The following MYO10 variants were observed in gnomAD, a reference collection of about 807,000 sequenced individuals.
The protein encoded by MYO10 is unconventional myosin-X.
In MYO10, 133 loss-of-function variants were observed where a neutral mutation model predicts 257.3. The ratio of observed to expected loss-of-function variants is 0.52; its 90% CI spans 0.45 to 0.60. The LOEUF is 0.60. Ranked by LOEUF, MYO10 falls within the 20% of genes least tolerant of loss-of-function variation. The pLI, the probability that MYO10 is intolerant of heterozygous loss-of-function variation, is 0.00. For missense variants in MYO10, 2,399 were observed against 2,635.7 expected, an observed-to-expected ratio of 0.91 and a Z score of 1.97; for synonymous variants, 1,104 against 1,028.6, an observed-to-expected ratio of 1.07 and a Z score of -1.40.
chr5:16,877,617 A>T lies in MYO10; in HGVS notation c.112T>A (p.Tyr38Asn). 1.9e-6 allele frequency: 3 copies of T among 1,612,404 alleles called. No individual in the cohort carries two copies. Among genetic ancestry groups the T allele is most frequent in the Non-Finnish European group, 2.5e-6 (3 of 1,178,584 alleles). The change falls in exon 2 of 41, where the codon TAT becomes AAT. Residue 38 changes from tyrosine to asparagine, a missense_variant. Coordinates refer to ENST00000513610, the MANE Select transcript of MYO10 (RefSeq NM_012334.3). The stretch of plus-strand genomic sequence containing the variant: ...CAGGGACTTGTTCTCACCTGACCAT[A>T]GTCTGTCCGGAAGACGACGATGCCT... ...AEGIVVFRTD[Y>N]GQVFTYKQST...
chr5:16,914,891 G>A (rs1745772488), intron 1 of MYO10, among the ~76,000 whole-genome samples: 2 of 152,136 alleles, frequency 1.3e-5, no homozygotes. Flanking sequence ...TGCAAGGGTG[G>A]AACTTTCGCA....
At chr5:16,889,188 TTAAAAAAA>T (rs1225354399) in intron 1 of MYO10, among the ~76,000 whole-genome samples, 2 of 136,140 alleles carry the variant, frequency 1.5e-5, no homozygotes, top group East Asian at 4.1e-4. Context: ...TTAAAAAAAT[TTAAAAAAA>T]AAAAAAAAAA....
At chr5:16,882,057 G>A (rs1744768406) in intron 1 of MYO10, among the ~76,000 whole-genome samples, 1 of 152,158 alleles carries the variant, frequency 6.6e-6, no homozygotes, top group Non-Finnish European at 1.5e-5. Context: ...AGACAAATAT[G>A]TGAGTGTTAA....
rs1744642388 is a variant in MYO10, at chr5:16,877,613, C to T, written c.116G>A (p.Gly39Asp). The change falls in exon 2 of 41, where the codon GGT becomes GAT. Residue 39 changes from glycine (G) to aspartate (D), a missense_variant. Coordinates refer to ENST00000513610, the MANE Select transcript of MYO10 (RefSeq NM_012334.3). ...EGIVVFRTDYGQVFTYKQSTI... is the reference protein window; with the variant it reads ...EGIVVFRTDYDQVFTYKQSTI... Reference sequence around the variant, plus strand: ...GCTGCAGGGACTTGTTCTCACCTGACCATAGTCTGTCCGGAAGACGACGAT... The same window carrying T: ...GCTGCAGGGACTTGTTCTCACCTGATCATAGTCTGTCCGGAAGACGACGAT... 3.1e-6 allele frequency: 5 copies of T among 1,611,998 alleles called. No homozygotes were observed. Among genetic ancestry groups the T allele is most frequent in the South Asian group, 1.1e-5 (1 of 90,936 alleles).
At chr5:16,827,407 C>G (rs984584569) in intron 2 of MYO10, among the ~76,000 whole-genome samples, 5 of 152,168 alleles carry the variant, frequency 3.3e-5, no homozygotes, top group African/African-American at 1.2e-4. Context: ...CTGGCTCAGC[C>G]TCCCGGATAG....
At chr5:16,692,327 G>A (rs1298737588) in intron 27 of MYO10, among the ~76,000 whole-genome samples, 1 of 152,122 alleles carries the variant, frequency 6.6e-6, no homozygotes, top group Non-Finnish European at 1.5e-5. Flanking sequence ...GGCTGAGGCA[G>A]GAGAATCGCT....
chr5:16,747,065 A>G (rs1740217421), intron 19 of MYO10, among the ~76,000 whole-genome samples: 1 of 152,182 alleles, frequency 6.6e-6, no homozygotes, highest in African/African-American at 2.4e-5. Context: ...TATATGAAGC[A>G]TCAGCCCTCA....
At chr5:16,803,199 GA>G (rs1428093264) in intron 3 of MYO10, among the ~76,000 whole-genome samples, 2 of 152,224 alleles carry the variant, frequency 1.3e-5, no homozygotes, top group African/African-American at 4.8e-5. Context: ...GCCGAGGCGG[GA>G]GGATCACTTG....
At chr5:16,770,071 A>C (rs1740999534) in intron 9 of MYO10, among the ~76,000 whole-genome samples, 1 of 152,058 alleles carries the variant, frequency 6.6e-6, no homozygotes, top group African/African-American at 2.4e-5. Flanking sequence ...CCAAGCCAAG[A>C]ATTTTAAAAA....
At position 16,773,741 on chromosome 5, in the gene MYO10, A is replaced by G. The variant is rs1052232494; in HGVS notation, c.931-4538T>C. 1.3e-5 allele frequency among the ~76,000 whole-genome samples: 2 copies of G among 152,138 alleles called. 1 individual carries two copies. The highest frequency in any genetic ancestry group is 1.3e-4 in the Admixed American group (2 of 15,256). On this transcript the variant is annotated intron_variant, in intron 9 of 40. Transcript: ENST00000513610. ...AAAAATATTGACACATATCCCATAA[A>G]TAAAAATTTTTGGTTAAGTTCTAAA...
Position 16,757,745 on chromosome 5 carries a change from A to G in MYO10, c.1848+373T>C, listed in dbSNP as rs920523863. On this transcript the variant is annotated intron_variant, in intron 18 of 40. Coordinates refer to ENST00000513610, the MANE Select transcript of MYO10 (RefSeq NM_012334.3). ...AGTGGTGCAATCACAGCTCTCTGCAATCTTGATCTCCCAGGCTCAGGCAAT... is the reference window on the plus strand; with the variant it reads ...AGTGGTGCAATCACAGCTCTCTGCAGTCTTGATCTCCCAGGCTCAGGCAAT... Among the ~76,000 whole-genome samples, 91 of 152,242 alleles carry G rather than the reference A, an allele frequency of 6.0e-4. 2 individuals carry two copies. Among genetic ancestry groups the G allele is most frequent in the African/African-American group, 2.1e-3 (86 of 41,534 alleles).
intron 1 of MYO10, among the ~76,000 whole-genome samples, chr5:16,889,347 G>A (rs919997985): frequency 2.0e-5 from 3 of 151,638 alleles, no homozygotes; most frequent in African/African-American, 7.3e-5. Flanking sequence ...CGGAGGTTGC[G>A]GTGAGCCGAG....
chr5:16,727,443 CAT>C (rs1226185991), intron 19 of MYO10, among the ~76,000 whole-genome samples: 1 of 152,178 alleles, frequency 6.6e-6, no homozygotes, highest in Non-Finnish European at 1.5e-5. Flanking sequence ...GAGACTAACA[CAT>C]ATTCCTTTTC....
chr5:16,669,370 CG>C (rs1246796114), intron 39 of MYO10, among the ~76,000 whole-genome samples: 1 of 152,102 alleles, frequency 6.6e-6, no homozygotes, highest in African/African-American at 2.4e-5. Context: ...CATGCCACCA[CG>C]CCCAGCTAAT....
chr5:16,846,230 T>C, intron 2 of MYO10, among the ~76,000 whole-genome samples: 1 of 152,202 alleles, frequency 6.6e-6, no homozygotes, highest in East Asian at 1.9e-4. Context: ...GCAGACTAAT[T>C]ATAACACTAC....
intron 1 of MYO10, among the ~76,000 whole-genome samples, chr5:16,878,823 A>G (rs1410855867): frequency 6.6e-6 from 1 of 152,052 alleles, no homozygotes; most frequent in African/African-American, 2.4e-5. Context: ...GACTTTGGGG[A>G]CTCAGGGAGA....
intron 2 of MYO10, among the ~76,000 whole-genome samples, chr5:16,875,533 G>C (rs992046454): frequency 6.6e-6 from 1 of 152,146 alleles, no homozygotes; most frequent in Non-Finnish European, 1.5e-5. Flanking sequence ...GTGACCATTA[G>C]ACATGCTGTC....
intron 2 of MYO10, among the ~76,000 whole-genome samples, chr5:16,844,456 G>T (rs956560586): frequency 1.3e-5 from 2 of 151,976 alleles, no homozygotes; most frequent in African/African-American, 4.8e-5. Context: ...AAATAGTCAT[G>T]AAAGTAATTA....
intron 1 of MYO10, among the ~76,000 whole-genome samples, chr5:16,884,005 G>A (rs1231798080): frequency 2.6e-5 from 4 of 152,208 alleles, no homozygotes; most frequent in African/African-American, 4.8e-5. Context: ...TGTTTCTCTC[G>A]CCTATGTTAA....
Sources: gnomAD v4.1 joint callset for allele counts (sites outside exome capture counted in the v4.1 genomes callset) on GRCh38, gnomAD v4.1.1 for gene constraint, MANE v1.5 for transcripts, NCBI Gene and HGNC (gene_info 2026-07-23, HGNC 2026-07-21) for gene names.